SLURP2: variants seen among roughly 807,000 people sequenced by gnomAD.
SLURP2 encodes the protein secreted LY6/PLAUR domain containing 2.
In SLURP2, 4 loss-of-function variants were observed where a neutral mutation model predicts 9.8. That is an observed-to-expected ratio of 0.41 (90% CI 0.20 to 0.94). SLURP2 has a LOEUF of 0.94. SLURP2 is among the 40% of genes least tolerant of loss of function. The pLI is 0.32. For missense variants in SLURP2, 118 were observed against 126.4 expected, an observed-to-expected ratio of 0.93 and a Z score of 0.32; for synonymous variants, 58 against 56.2, an observed-to-expected ratio of 1.03 and a Z score of -0.15.
intron 2 of SLURP2, 143 bp downstream of exon 2, chr8:142,764,893 C>T (rs1054991826): frequency 4.3e-6 from 5 of 1,160,838 alleles, no homozygotes; most frequent in African/African-American, 1.5e-5. Context: ...TTGCTCATAC[C>T]CTTCCCTGGG....
intron 1 of SLURP2, among the ~76,000 whole-genome samples, chr8:142,766,610 C>T (rs893852331): frequency 6.6e-6 from 1 of 152,154 alleles, no homozygotes; most frequent in Non-Finnish European, 1.5e-5. Context: ...CCCTCCTGGG[C>T]ACCCCCCAAG....
At chr8:142,766,949 G>A (rs972934694) in intron 1 of SLURP2, among the ~76,000 whole-genome samples, 10 of 152,086 alleles carry the variant, frequency 6.6e-5, no homozygotes, top group South Asian at 6.2e-4. Flanking sequence ...AGGAGCCCAC[G>A]CCTGCCCTAT....
chr8:142,764,576 G>A lies in SLURP2; in HGVS notation c.*29C>T, dbSNP rs769564681. ...AGGCTGTGGGGGCTGTGGGGGCTGA[G>A]CGTCCGGGGGCCTGGAGGAGGGCAG... is the stretch of plus-strand genomic sequence containing the variant. On this transcript the variant is annotated 3_prime_UTR_variant, in exon 3 of 3. Coordinates refer to ENST00000317543, the MANE Select transcript of SLURP2 (RefSeq NM_177458.3). 1.3e-6 allele frequency: 2 copies of A among 1,595,058 alleles called. No individual in the cohort carries two copies. Among genetic ancestry groups the A allele is most frequent in the Non-Finnish European group, 1.7e-6 (2 of 1,173,422 alleles).
Position 142,764,583 on chromosome 8 carries a change from G to A in SLURP2, c.*22C>T. 6.3e-7 allele frequency: 1 copy of A among 1,598,278 alleles called. No individual in the cohort carries two copies. Among genetic ancestry groups the A allele is most frequent in the Middle Eastern group, 1.7e-4 (1 of 5,944 alleles). ...GGGGGCTGTGGGGGCTGAGCGTCCG[G>A]GGGCCTGGAGGAGGGCAGCCGTCAG... is the stretch of plus-strand genomic sequence containing the variant. On this transcript the variant is annotated 3_prime_UTR_variant, in exon 3 of 3. Coordinates refer to ENST00000317543, the MANE Select transcript of SLURP2 (RefSeq NM_177458.3).
At chr8:142,765,806 TA>T (rs1170456570) in intron 1 of SLURP2, among the ~76,000 whole-genome samples, 1 of 151,406 alleles carries the variant, frequency 6.6e-6, no homozygotes, top group Non-Finnish European at 1.5e-5. Context: ...ACTAAAAATA[TA>T]AAAACATTAG....
At chr8:142,765,994 AC>A (rs1280666199) in intron 1 of SLURP2, 2 of 152,248 alleles carry the variant, frequency 1.3e-5, no homozygotes, top group Non-Finnish European at 2.9e-5. Context: ...AAAACAAAAA[AC>A]AAAAAAAGGC....
rs587626916 is a variant in SLURP2 at position 142,768,438 on chromosome 8, G to A, written c.52+1317C>T. Among the ~76,000 whole-genome samples the A allele has an allele frequency of 6.6e-6, 1 of 152,230 alleles. No individual in the cohort carries two copies. Among genetic ancestry groups the A allele is most frequent in the South Asian group, 2.1e-4 (1 of 4,814 alleles). ...ACAGGGGATGCAGGTGCCCCTGAGA[G>A]AGGCTCGCCAGTCCTCCAACCGGAA... is the stretch of plus-strand genomic sequence containing the variant. On this transcript the variant is annotated intron_variant, in intron 1 of 2. Transcript: ENST00000317543. This position sits in a 1 kb window ranked among gnomAD's most constrained non-coding sequence, Gnocchi z 4.8.
chr8:142,769,183 G>A (rs932304695), intron 1 of SLURP2, among the ~76,000 whole-genome samples: 2 of 151,430 alleles, frequency 1.3e-5, no homozygotes, highest in African/African-American at 2.4e-5. Context: ...GGGGGGACAG[G>A]GCCAGCCGTA....
intron 1 of SLURP2, among the ~76,000 whole-genome samples, chr8:142,767,205 G>A (rs1436225375): frequency 2.0e-5 from 3 of 152,304 alleles, no homozygotes; most frequent in South Asian, 4.1e-4. Context: ...TGACACAGAT[G>A]GGAAGTTCCG....
chr8:142,764,988 C>G (rs1814952913), intron 2 of SLURP2, 48 bp downstream of exon 2: 4 of 1,500,684 alleles, frequency 2.7e-6, no homozygotes, highest in Non-Finnish European at 3.7e-6. Flanking sequence ...CCACATCTTC[C>G]CACCTGGGCA....
chr8:142,765,435 G>A (rs1053635905), intron 1 of SLURP2, among the ~76,000 whole-genome samples: 2 of 149,188 alleles, frequency 1.3e-5, no homozygotes, highest in African/African-American at 2.5e-5. Context: ...GGCAGTGGTG[G>A]TGCAGCAGCC....
chr8:142,765,478 G>A, intron 1 of SLURP2, among the ~76,000 whole-genome samples: 1 of 147,646 alleles, frequency 6.8e-6, no homozygotes, highest in East Asian at 2.2e-4. Context: ...TGGGGGGTGG[G>A]GAGGAGGTGG....
rs2585187 is a variant in SLURP2, at chr8:142,764,532, A to C, written c.*73T>G. ...GGCTGGCCAGTCTCGAGGGAGGGGC[A>C]GCTGTGAGCCCTGGCGCCAGGCTGT... On this transcript the variant is annotated 3_prime_UTR_variant, in exon 3 of 3. Transcript: ENST00000317543. 6.7e-7 allele frequency: 1 copy of C among 1,495,430 alleles called. No individual in the cohort carries two copies. 92.6% of individuals were successfully genotyped at this position (1,495,430 alleles called of 1,614,324 possible). A position where few individuals can be genotyped will look rare whatever the true frequency, so the allele number is the denominator to read the frequency against.
chr8:142,769,813 C>T lies in SLURP2; in HGVS notation c.-7G>A. The T allele has an allele frequency of 6.3e-7, 1 of 1,591,130 alleles. No individual in the cohort carries two copies. Among genetic ancestry groups the T allele is most frequent in the Non-Finnish European group, 8.5e-7 (1 of 1,171,244 alleles). ...GCCCAGTGCCGAGCTGCATGTTCTC[C>T]TGGTGAGGTCGGGCTGTCGGCGCCC... On this transcript the variant is annotated 5_prime_UTR_variant, in exon 1 of 3. Transcript: ENST00000317543.
intron 1 of SLURP2, among the ~76,000 whole-genome samples, chr8:142,766,632 C>T (rs368876332): frequency 1.3e-5 from 2 of 152,202 alleles, no homozygotes; most frequent in African/African-American, 4.8e-5. Flanking sequence ...GCTTCCCTGC[C>T]TGCTCTCTGC....
chr8:142,765,229 C>T, intron 1 of SLURP2, 89 bp from the exon 2 acceptor site: 1 of 994,530 alleles, frequency 1.0e-6, no homozygotes, highest in Non-Finnish European at 1.5e-6. Flanking sequence ...CATCTCCACC[C>T]AGCAGCCCAT....
At chr8:142,765,438 C>T (rs587764526) in intron 1 of SLURP2, among the ~76,000 whole-genome samples, 101 of 150,982 alleles carry the variant, frequency 6.7e-4, no homozygotes, top group African/African-American at 2.3e-3. Context: ...AGTGGTGGTG[C>T]AGCAGCCTGG....
At position 142,765,097 on chromosome 8, in the gene SLURP2, T is replaced by G. The variant is rs1455789555; in HGVS notation, c.96A>C (p.Gly32=). 2 of 1,612,708 alleles carry G rather than the reference T, an allele frequency of 1.2e-6. No homozygotes were observed. Among genetic ancestry groups the G allele is most frequent in the Non-Finnish European group, 1.7e-6 (2 of 1,179,792 alleles). ...GGCATCTGGATCCATGGGAGCACCCTCCGAAGCCCGTGCACTGGTGACACC... is the reference window on the plus strand; with the variant it reads ...GGCATCTGGATCCATGGGAGCACCCGCCGAAGCCCGTGCACTGGTGACACC... ...AIWCHQCTGF[G]GCSHGSRCLR... The change falls in exon 2 of 3, where the codon GGA becomes GGC. Residue 32 remains glycine (G), a synonymous_variant. Transcript: ENST00000317543.
chr8:142,764,928 A>G lies in SLURP2; in HGVS notation c.157+108T>C, dbSNP rs1814951550. 4 of 1,156,222 alleles carry G rather than the reference A, an allele frequency of 3.5e-6. No homozygotes were observed. In the Admixed American group the frequency reaches 8.2e-5, roughly 24 times the overall value. The allele number at this position is 1,156,222 out of a possible 1,614,324, so 71.6% of individuals were successfully genotyped here. On this transcript the variant is annotated intron_variant, in intron 2 of 2. Transcript: ENST00000317543. ...GCATCACTGGCGGACACTCCCCACT[A>G]TGCTTCTGACTTACTGGGTGCCTGG...
Sources: allele counts gnomAD v4.1 joint callset (sites outside exome capture counted in the v4.1 genomes callset), GRCh38; gene constraint gnomAD v4.1.1; non-coding constraint Gnocchi (gnomAD v3.1); transcripts MANE v1.5; gene names NCBI Gene and HGNC (gene_info 2026-07-23, HGNC 2026-07-21).